The following CAGE1 variants were observed in gnomAD, a reference collection of about 807,000 sequenced individuals.
CAGE1 encodes cancer antigen 1.
Under a neutral mutation model 94.9 loss-of-function variants are expected in CAGE1, and 66 were observed. The ratio of observed to expected loss-of-function variants is 0.70; its 90% CI spans 0.57 to 0.85. The LOEUF (loss-of-function observed/expected upper bound fraction) is 0.85, where lower values mean the gene tolerates loss of function less well. Ranked by LOEUF, CAGE1 falls within the 40% of genes least tolerant of loss-of-function variation. The probability of loss-of-function intolerance (pLI) is 0.00; values close to 1 mark genes in which losing one functional copy is unlikely to be tolerated. For missense variants in CAGE1, 865 were observed against 950.4 expected (o/e 0.91, Z 1.18); for synonymous variants, 319 against 321.0 (o/e 0.99, Z 0.07).
At chr6:7,341,577 A>G in intron 11 of CAGE1, 2 of 1,068,680 alleles carry the variant, frequency 1.9e-6, no homozygotes, top group Non-Finnish European at 2.9e-6. Context: ...GCCTAGCTTT[A>G]AGCAGGGCTT....
chr6:7,353,102 G>C (rs1383284587), intron 11 of CAGE1, among the ~76,000 whole-genome samples: 1 of 152,186 alleles, frequency 6.6e-6, no homozygotes, highest in Non-Finnish European at 1.5e-5. Context: ...AGAGTCAACA[G>C]ACAACCCACA....
intron 11 of CAGE1, among the ~76,000 whole-genome samples, chr6:7,344,945 A>C (rs1353070386): frequency 6.6e-6 from 1 of 152,132 alleles, no homozygotes; most frequent in Non-Finnish European, 1.5e-5. Context: ...TTGTAAACGC[A>C]CCAATCAGCG....
Position 7,365,867 on chromosome 6 carries a change from A to G in CAGE1, c.2022T>C (p.Asp674=). The part of the protein sequence containing the change: ...TLDKELLKHK[D]RITTFRELIA... ...TTAACTCTCTAAAGGTTGTGATTCT[A>G]TCTTTATGTTTCAGTAGCTAAGAAA... Residue 674 remains aspartate (D), a synonymous_variant, in exon 8 of 14, where the codon GAT becomes GAC. Coordinates refer to ENST00000502583, the MANE Select transcript of CAGE1 (RefSeq NM_001170692.2). The G allele has an allele frequency of 1.3e-6, 2 of 1,528,350 alleles. No homozygotes were observed. The allele number at this position is 1,528,350 out of a possible 1,614,324, so 94.7% of individuals were successfully genotyped here. A position where few individuals can be genotyped will look rare whatever the true frequency, so the allele number is the denominator to read the frequency against.
intron 5 of CAGE1, among the ~76,000 whole-genome samples, chr6:7,372,674 T>A (rs1760580059): frequency 6.6e-6 from 1 of 152,076 alleles, no homozygotes; most frequent in African/African-American, 2.4e-5. Context: ...CTTTTTTCTT[T>A]TTTTCTTTTT....
intron 11 of CAGE1, 44 bp from the exon 12 acceptor site, chr6:7,334,134 T>C: frequency 1.7e-6 from 2 of 1,201,428 alleles, no homozygotes; most frequent in Non-Finnish European, 2.3e-6. Flanking sequence ...AATGGACTTT[T>C]CTAGACCAAT....
At position 7,358,028 on chromosome 6, in the gene CAGE1, ATATATATATATATATATATATAT is replaced by A. The variant is rs1760025796; in HGVS notation, c.2194-1922_2194-1900del. Among the ~76,000 whole-genome samples the A allele has an allele frequency of 5.2e-4, 35 of 66,942 alleles. 1 individual carries two copies. The highest frequency in any genetic ancestry group is 3.0e-3 in the Admixed American group (19 of 6,348). 43.9% of individuals were successfully genotyped at this position (66,942 alleles called of 152,430 possible). A position where few individuals can be genotyped will look rare whatever the true frequency, so the allele number is the denominator to read the frequency against. ...AGACTGCGGTTAGGTAAGTTTTGAGATATATATATATATATATATATATATATATATATATATATATATGCCTC... is the reference window on the plus strand; with the variant it reads ...AGACTGCGGTTAGGTAAGTTTTGAGAATATATATATATATATATATGCCTC... On this transcript the variant is annotated intron_variant, in intron 9 of 13. Transcript: ENST00000502583.
At position 7,388,269 on chromosome 6, in the gene CAGE1, T is replaced by C. The variant is rs1649360521; in HGVS notation, c.-24+933A>G. ...CCCTGCTCTACTCAGATCAGGCTCA[T>C]TTCCCTGCAGACAGATAATGTTCCT... On this transcript the variant is annotated intron_variant, in intron 1 of 13. Coordinates refer to ENST00000502583, the MANE Select transcript of CAGE1 (RefSeq NM_001170692.2). 3.3e-5 allele frequency among the ~76,000 whole-genome samples: 5 copies of C among 152,262 alleles called. No individual in the cohort carries two copies. In the South Asian group the frequency reaches 6.2e-4, roughly 19 times the overall value.
Position 7,339,478 on chromosome 6 carries a change from C to T in CAGE1, c.2370-5388G>A. ...ATCTCAACTCCAGAGTAGCCATCTT[C>T]AGCCAGCTCCTGAGTAAGAAACTCA... On this transcript the variant is annotated intron_variant, in intron 11 of 13. Coordinates refer to ENST00000502583, the MANE Select transcript of CAGE1 (RefSeq NM_001170692.2). This position sits in a 1 kb window ranked among gnomAD's most constrained non-coding sequence, Gnocchi z 4.7. 1 of 911,256 alleles carries T rather than the reference C, an allele frequency of 1.1e-6. No individual in the cohort carries two copies. Among genetic ancestry groups the T allele is most frequent in the Non-Finnish European group, 1.9e-6 (1 of 539,006 alleles). The allele number at this position is 911,256 out of a possible 1,614,324, so 56.4% of individuals were successfully genotyped here. A position where few individuals can be genotyped will look rare whatever the true frequency, so the allele number is the denominator to read the frequency against.
intron 9 of CAGE1, among the ~76,000 whole-genome samples, chr6:7,360,904 G>A (rs2004012): frequency 0.37 from 56,592 of 151,898 alleles, 10,694 homozygotes; most frequent in Admixed American, 0.43. Context: ...CCGAGATCAC[G>A]CCAGTGCACT....
At position 7,368,542 on chromosome 6, in the gene CAGE1, T is replaced by C. The variant is rs148564369; in HGVS notation, c.2004+146A>G. ...AGTCAAATGTTGAACATTTTATCTC[T>C]TTAGTGAGGGGCACAGTAAAACTAA... On this transcript the variant is annotated intron_variant, in intron 7 of 13. Coordinates refer to ENST00000502583, the MANE Select transcript of CAGE1 (RefSeq NM_001170692.2). 1,575 of 488,318 alleles carry C rather than the reference T, an allele frequency of 3.2e-3. 10 individuals are homozygous for C. Among genetic ancestry groups the C allele is most frequent in the Middle Eastern group, 0.015 (28 of 1,850 alleles). The allele number at this position is 488,318 out of a possible 1,614,324, so 30.2% of individuals were successfully genotyped here. A position where few individuals can be genotyped will look rare whatever the true frequency, so the allele number is the denominator to read the frequency against.
Position 7,373,712 on chromosome 6 carries a change from G to C in CAGE1, c.1107C>G (p.Tyr369Ter). ...ENVEELIEDK[Y>*]KIILEKNDTK... is the part of the protein sequence containing the mutation. ...TATCATTCTTCTCTAGGATTATTTT[G>C]TATTTGTCTTCAATTAATTCTTCAA... is the stretch of plus-strand genomic sequence containing the variant. The change falls in exon 5 of 14, where the codon TAC becomes TAG. Residue 369 changes from tyrosine (Y) to a stop codon, truncating the protein, a stop_gained. Coordinates refer to ENST00000502583, the MANE Select transcript of CAGE1 (RefSeq NM_001170692.2). LOFTEE classifies it high-confidence loss of function. The C allele has an allele frequency of 1.9e-6, 3 of 1,612,352 alleles. No individual in the cohort carries two copies. Among genetic ancestry groups the C allele is most frequent in the Non-Finnish European group, 2.5e-6 (3 of 1,178,898 alleles).
At position 7,358,025 on chromosome 6, in the gene CAGE1, G is replaced by GAAATATATATATAT. The variant is rs1491488344; in HGVS notation, c.2194-1897_2194-1896insATATATATATATTT. On this transcript the variant is annotated intron_variant, in intron 9 of 13. Coordinates refer to ENST00000502583, the MANE Select transcript of CAGE1 (RefSeq NM_001170692.2). ...GCCAGACTGCGGTTAGGTAAGTTTT[G>GAAATATATATATAT]AGATATATATATATATATATATATA... 1.1e-3 allele frequency among the ~76,000 whole-genome samples: 22 copies of GAAATATATATATAT among 20,270 alleles called. 1 individual carries two copies. Among genetic ancestry groups the GAAATATATATATAT allele is most frequent in the East Asian group, 5.9e-3 (2 of 338 alleles). The allele number at this position is 20,270 out of a possible 152,430, so 13.3% of individuals were successfully genotyped here. A position where few individuals can be genotyped will look rare whatever the true frequency, so the allele number is the denominator to read the frequency against.
chr6:7,344,627 G>C (rs536772030), intron 11 of CAGE1, among the ~76,000 whole-genome samples: 3 of 152,346 alleles, frequency 2.0e-5, no homozygotes, highest in South Asian at 2.1e-4. Flanking sequence ...CTGGAAAGCA[G>C]CTCCACCTGC....
intron 4 of CAGE1, among the ~76,000 whole-genome samples, chr6:7,376,937 T>C (rs1490129848): frequency 2.0e-5 from 3 of 152,192 alleles, no homozygotes; most frequent in African/African-American, 4.8e-5. Context: ...CCAACCTACT[T>C]ACATATGCAG....
At chr6:7,328,945 T>TTTTTTTG (rs1758640640) in intron 13 of CAGE1, among the ~76,000 whole-genome samples, 1 of 146,676 alleles carries the variant, frequency 6.8e-6, no homozygotes, top group Admixed American at 6.9e-5. Context: ...TTTTTTTTTT[T>TTTTTTTG]TTTTGAGATA....
At position 7,387,181 on chromosome 6, in the gene CAGE1, GAAC is replaced by G. The variant is rs1483196173; in HGVS notation, c.-11_-9del. On this transcript the variant is annotated 5_prime_UTR_variant, in exon 2 of 14. Transcript: ENST00000502583. ...TTGATAGTCCTTGTTCATAACTGTT[GAAC>G]AATAGAAGACTTCTTTAAAAAAAAA... 1.9e-5 allele frequency: 30 copies of G among 1,539,818 alleles called. No homozygotes were observed. The highest frequency in any genetic ancestry group is 2.5e-5 in the Non-Finnish European group (28 of 1,141,084).
At chr6:7,375,083 A>G (rs34675095) in intron 4 of CAGE1, among the ~76,000 whole-genome samples, 16,750 of 151,272 alleles carry the variant, frequency 0.11, 1,240 homozygotes, top group East Asian at 0.32. Context: ...AAAGACAGTA[A>G]TTTGTGGTAA....
chr6:7,345,224 A>C (rs1472324980), intron 11 of CAGE1, among the ~76,000 whole-genome samples: 4 of 149,184 alleles, frequency 2.7e-5, no homozygotes, highest in Non-Finnish European at 5.9e-5. Flanking sequence ...AGTATAAGCT[A>C]CCAGCCTACC....
In CAGE1 at chr6:7,373,661, T is replaced by C; in HGVS notation, c.1158A>G (p.Glu386=). The C allele has an allele frequency of 6.2e-7, 1 of 1,613,360 alleles. No homozygotes were observed. The highest frequency in any genetic ancestry group is 8.5e-7 in the Non-Finnish European group (1 of 1,179,640). Residue 386 remains glutamate (E), a synonymous_variant, in exon 5 of 14, where the codon GAA becomes GAG. Coordinates refer to ENST00000502583, the MANE Select transcript of CAGE1 (RefSeq NM_001170692.2). ...NDTKKTLQNL[E]EVLANTQKHL... ...GTTTTTGCGTGTTAGCTAAAACCTC[T>C]TCCAAATTCTGCAATGTCTTTTTAG...
Sources: gnomAD v4.1 joint callset for allele counts (sites outside exome capture counted in the v4.1 genomes callset) on GRCh38, gnomAD v4.1.1 for gene constraint, Gnocchi (gnomAD v3.1) non-coding constraint, MANE v1.5 for transcripts, NCBI Gene and HGNC (gene_info 2026-07-23, HGNC 2026-07-21) for gene names.